Variants in DEPDC5 observed in about 807,000 individuals in gnomAD.
DEPDC5 encodes GATOR1 complex protein DEPDC5.
DEPDC5 carries 73 observed loss-of-function variants against 217.3 expected under a neutral mutation model. The ratio of observed to expected loss-of-function variants is 0.34; its 90% CI spans 0.28 to 0.41. DEPDC5 has a LOEUF of 0.41. DEPDC5 is among the 10% of genes least tolerant of loss of function. The probability of loss-of-function intolerance (pLI) is 1.00; values close to 1 mark genes in which losing one functional copy is unlikely to be tolerated. For missense variants in DEPDC5, 1,675 were observed against 2,070.1 expected, an observed-to-expected ratio of 0.81 and a Z score of 3.70; for synonymous variants, 733 against 756.7, an observed-to-expected ratio of 0.97 and a Z score of 0.51.
At chr22:31,883,181 G>T (rs2093221871) in intron 38 of DEPDC5, among the ~76,000 whole-genome samples, 1 of 152,132 alleles carries the variant, frequency 6.6e-6, no homozygotes, top group Non-Finnish European at 1.5e-5. Context: ...TGTCCCCTGG[G>T]GTTGGTAAAA....
At chr22:31,855,300 C>T (rs1164972002) in intron 31 of DEPDC5, among the ~76,000 whole-genome samples, 1 of 151,346 alleles carries the variant, frequency 6.6e-6, no homozygotes, top group African/African-American at 2.4e-5. Flanking sequence ...AAATATTTGA[C>T]ATTAGAAAAA....
intron 34 of DEPDC5, among the ~76,000 whole-genome samples, chr22:31,871,392 TG>T (rs2149237367): frequency 6.6e-6 from 1 of 152,392 alleles, no homozygotes; most frequent in East Asian, 1.9e-4. Flanking sequence ...GAAAGTTCTC[TG>T]GGGCTGCTCA....
chr22:31,861,264 T>A, intron 32 of DEPDC5, 104 bp from the exon 33 acceptor site: 1 of 1,016,896 alleles, frequency 9.8e-7, no homozygotes, highest in Non-Finnish European at 1.5e-6. Flanking sequence ...TATTTTTTGT[T>A]TTTTATACCT....
At chr22:31,902,285 C>A (rs1227152453) in intron 41 of DEPDC5, among the ~76,000 whole-genome samples, 2 of 151,718 alleles carry the variant, frequency 1.3e-5, no homozygotes, top group African/African-American at 4.8e-5. Flanking sequence ...TGTGTTGTCT[C>A]CAAACATCAC....
At chr22:31,844,966 T>C in intron 29 of DEPDC5, 52 bp from the exon 30 acceptor site, 5 of 1,589,608 alleles carry the variant, frequency 3.1e-6, no homozygotes, top group Non-Finnish European at 1.7e-6. Flanking sequence ...TGAGAGTGCT[T>C]TCATTATCTC....
chr22:31,893,433 A>G (rs2093482721), intron 38 of DEPDC5, 149 bp from the exon 39 acceptor site: 3 of 691,462 alleles, frequency 4.3e-6, no homozygotes, highest in Admixed American at 4.1e-5. Flanking sequence ...GGTTTCCAAT[A>G]TCTAGATGAT....
At chr22:31,768,379 TTTCC>T (rs2083014285) in intron 6 of DEPDC5, among the ~76,000 whole-genome samples, 1 of 152,178 alleles carries the variant, frequency 6.6e-6, no homozygotes, top group African/African-American at 2.4e-5. Context: ...ATAGGTAGAA[TTTCC>T]ATACAGGGTA....
At chr22:31,837,893 G>A (rs1241214740) in intron 26 of DEPDC5, among the ~76,000 whole-genome samples, 1 of 151,834 alleles carries the variant, frequency 6.6e-6, no homozygotes. Context: ...AGTAGAGATA[G>A]GGTTTCACCA....
intron 10 of DEPDC5, chr22:31,785,088 C>G: frequency 2.1e-6 from 1 of 473,678 alleles, no homozygotes; most frequent in Non-Finnish European, 3.7e-6. Flanking sequence ...TGAAAACTTT[C>G]CCCCAAGATC....
chr22:31,802,629 G>T, intron 14 of DEPDC5, 75 bp from the exon 15 acceptor site: 1 of 1,431,608 alleles, frequency 7.0e-7, no homozygotes, highest in South Asian at 1.6e-5. Context: ...CTCTGAGAGT[G>T]TAGAGATGCT....
chr22:31,792,572 C>T (rs2085786816), intron 11 of DEPDC5, 173 bp from the exon 12 acceptor site: 2 of 431,576 alleles, frequency 4.6e-6, no homozygotes, highest in Admixed American at 5.5e-5. Flanking sequence ...TACCACTGCA[C>T]TCCAGTCTGG....
At chr22:31,897,452 G>T in intron 39 of DEPDC5, 30 bp from the exon 40 acceptor site, 1 of 1,577,528 alleles carries the variant, frequency 6.3e-7, no homozygotes, top group Non-Finnish European at 8.6e-7. Context: ...ACTTGGAGAT[G>T]ATATTGTTTG....
intron 31 of DEPDC5, among the ~76,000 whole-genome samples, chr22:31,848,916 G>C (rs2091886983): frequency 6.6e-6 from 1 of 152,132 alleles, no homozygotes. Context: ...TAGATCTCTA[G>C]GGCAGGGGCA....
chr22:31,879,995 C>T, intron 38 of DEPDC5: 1 of 512,292 alleles, frequency 2.0e-6, no homozygotes. Context: ...TAGTGCCAGA[C>T]CTGTTCGGAT....
chr22:31,783,424 G>T (rs1341928127), intron 8 of DEPDC5, among the ~76,000 whole-genome samples: 1 of 152,096 alleles, frequency 6.6e-6, no homozygotes, highest in Non-Finnish European at 1.5e-5. Flanking sequence ...ACCACCTCCG[G>T]ACACGGTGTG....
intron 25 of DEPDC5, among the ~76,000 whole-genome samples, chr22:31,834,935 T>G (rs2090886416): frequency 6.6e-6 from 1 of 152,218 alleles, no homozygotes; most frequent in Non-Finnish European, 1.5e-5. Context: ...GAGTAGTCAT[T>G]TCTTATTCAT....
chr22:31,900,799 G>A (rs925529950), intron 40 of DEPDC5, among the ~76,000 whole-genome samples: 8 of 152,052 alleles, frequency 5.3e-5, no homozygotes, highest in African/African-American at 1.7e-4. Flanking sequence ...ACATGGTCCA[G>A]GCACAGTGGC....
chr22:31,898,086 G>A (rs1372920239), intron 40 of DEPDC5, among the ~76,000 whole-genome samples: 1 of 152,174 alleles, frequency 6.6e-6, no homozygotes, highest in Non-Finnish European at 1.5e-5. Flanking sequence ...GGCATGAAAA[G>A]CAAAACAGGA....
chr22:31,791,946 AAAAAAG>A (rs2085704113), intron 10 of DEPDC5, 81 bp from the exon 11 acceptor site: 2 of 651,036 alleles, frequency 3.1e-6, no homozygotes, highest in Admixed American at 3.8e-5. Context: ...AAAAAAAAAA[AAAAAAG>A]AATATTATAT....
Sources: allele counts gnomAD v4.1 joint callset (sites outside exome capture counted in the v4.1 genomes callset), GRCh38; gene constraint gnomAD v4.1.1; transcripts MANE v1.5; gene names NCBI Gene and HGNC (gene_info 2026-07-23, HGNC 2026-07-21).